Variants in SLC24A2 observed in about 807,000 individuals in gnomAD.
The protein encoded by SLC24A2 is solute carrier family 24 member 2.
Under a neutral mutation model 62.0 loss-of-function variants are expected in SLC24A2, and 36 were observed. That is an observed-to-expected ratio of 0.58 (90% CI 0.44 to 0.77). The LOEUF (loss-of-function observed/expected upper bound fraction) is 0.77. Among genes scored for constraint, SLC24A2 ranks in the 30% least tolerant of loss-of-function variants. SLC24A2 has a pLI of 0.00. For synonymous variants in SLC24A2, 358 were observed against 294.0 expected (o/e 1.22, Z -2.23); for missense variants, 846 against 817.9 (o/e 1.03, Z -0.42).
the SLC24A2 span, among the ~76,000 whole-genome samples, chr9:19,911,328 T>C: frequency 6.6e-6 from 1 of 152,128 alleles, no homozygotes; most frequent in Admixed American, 6.6e-5. Flanking sequence ...TGTTGGACAT[T>C]TGGGTTGGTT....
chr9:19,606,945 T>C (rs1467078162), intron 4 of SLC24A2, among the ~76,000 whole-genome samples: 6 of 152,122 alleles, frequency 3.9e-5, no homozygotes, highest in Non-Finnish European at 8.8e-5. Context: ...TACACATGAG[T>C]GTTGTGGCCA....
intron 2 of SLC24A2, among the ~76,000 whole-genome samples, chr9:19,644,412 G>A (rs1356744468): frequency 1.3e-5 from 2 of 152,156 alleles, no homozygotes; most frequent in African/African-American, 2.4e-5. Flanking sequence ...TACATAGATT[G>A]AATCATTATA....
chr9:20,097,505 C>G, the SLC24A2 span, among the ~76,000 whole-genome samples: 1 of 152,066 alleles, frequency 6.6e-6, no homozygotes, highest in Admixed American at 6.6e-5. Context: ...CTAATAGTCA[C>G]TTTGAGATCT....
At chr9:20,146,935 G>C in the SLC24A2 span, among the ~76,000 whole-genome samples, 1 of 152,052 alleles carries the variant, frequency 6.6e-6, no homozygotes, top group East Asian at 1.9e-4. Flanking sequence ...TACAACATCA[G>C]TACTGCCCTC....
chr9:19,527,551 T>C (rs74928287), intron 9 of SLC24A2, among the ~76,000 whole-genome samples: 193 of 152,214 alleles, frequency 1.3e-3, no homozygotes, highest in African/African-American at 4.5e-3. Context: ...TTACTGAGAG[T>C]GTATTCTTGT....
At chr9:19,535,855 A>G (rs1179179924) in intron 8 of SLC24A2, among the ~76,000 whole-genome samples, 2 of 152,182 alleles carry the variant, frequency 1.3e-5, no homozygotes, top group Admixed American at 6.5e-5. Flanking sequence ...TGAACTTTAA[A>G]GCAGTTTTTC....
the SLC24A2 span, among the ~76,000 whole-genome samples, chr9:19,978,850 G>A: frequency 6.6e-6 from 1 of 152,036 alleles, no homozygotes; most frequent in African/African-American, 2.4e-5. Context: ...AGGCAGAAAG[G>A]GGCAGATAAA....
At chr9:19,971,880 A>G in the SLC24A2 span, among the ~76,000 whole-genome samples, 1 of 152,184 alleles carries the variant, frequency 6.6e-6, no homozygotes, top group African/African-American at 2.4e-5. Context: ...TAACAACCCT[A>G]TAAGGCAGGC....
chr9:20,075,871 C>T, the SLC24A2 span, among the ~76,000 whole-genome samples: 3 of 152,166 alleles, frequency 2.0e-5, no homozygotes, highest in Non-Finnish European at 4.4e-5. Flanking sequence ...TCCAGGACCT[C>T]TCTCAAATAC....
At chr9:19,802,034 C>T in the SLC24A2 span, among the ~76,000 whole-genome samples, 1 of 152,078 alleles carries the variant, frequency 6.6e-6, no homozygotes, top group South Asian at 2.1e-4. Flanking sequence ...CACATTATGT[C>T]ATAGTAACAT....
the SLC24A2 span, among the ~76,000 whole-genome samples, chr9:20,170,826 T>C: frequency 1.3e-5 from 2 of 152,042 alleles, no homozygotes; most frequent in Non-Finnish European, 2.9e-5. Context: ...TGCCTGGCCT[T>C]GCTAGAGACC....
At chr9:19,542,890 A>C (rs1834346359) in intron 8 of SLC24A2, among the ~76,000 whole-genome samples, 1 of 152,148 alleles carries the variant, frequency 6.6e-6, no homozygotes, top group South Asian at 2.1e-4. Context: ...TACTGGCCTG[A>C]AATTTTCTTT....
At chr9:20,178,336 G>A in the SLC24A2 span, among the ~76,000 whole-genome samples, 4 of 152,140 alleles carry the variant, frequency 2.6e-5, no homozygotes, top group Non-Finnish European at 4.4e-5. Flanking sequence ...CTAGACTGCT[G>A]TCTGCCTCCC....
At chr9:19,573,780 G>A (rs1393628842) in intron 6 of SLC24A2, among the ~76,000 whole-genome samples, 1 of 152,058 alleles carries the variant, frequency 6.6e-6, no homozygotes, top group African/African-American at 2.4e-5. Flanking sequence ...TACCTTGGGT[G>A]CCCTATCAGC....
the SLC24A2 span, among the ~76,000 whole-genome samples, chr9:19,989,332 TAATA>T: frequency 3.3e-5 from 5 of 152,130 alleles, no homozygotes; most frequent in Middle Eastern, 3.2e-3. Flanking sequence ...AGGGAGGTGA[TAATA>T]CTACAATGAG....
At chr9:20,165,161 AT>A in the SLC24A2 span, among the ~76,000 whole-genome samples, 1 of 151,892 alleles carries the variant, frequency 6.6e-6, no homozygotes, top group Admixed American at 6.6e-5. Context: ...AGATATGAAA[AT>A]AACACGGAAA....
the SLC24A2 span, among the ~76,000 whole-genome samples, chr9:20,018,270 C>T: frequency 6.6e-6 from 1 of 152,174 alleles, no homozygotes; most frequent in Admixed American, 6.5e-5. Context: ...TAAATTCAAT[C>T]AAGTTGACAC....
At chr9:20,094,448 A>G in the SLC24A2 span, among the ~76,000 whole-genome samples, 1 of 152,206 alleles carries the variant, frequency 6.6e-6, no homozygotes, top group Admixed American at 6.5e-5. Flanking sequence ...TTAAGCTCCC[A>G]TGTGAAAAAC....
chr9:19,769,438 T>A (rs1390961600), intron 2 of SLC24A2, among the ~76,000 whole-genome samples: 2 of 152,242 alleles, frequency 1.3e-5, no homozygotes, highest in African/African-American at 2.4e-5. Flanking sequence ...ACACTTCCAC[T>A]GTCTCTAACA....
Sources: allele counts gnomAD v4.1 joint callset (sites outside exome capture counted in the v4.1 genomes callset), GRCh38; gene constraint gnomAD v4.1.1; transcripts MANE v1.5; gene names NCBI Gene and HGNC (gene_info 2026-07-23, HGNC 2026-07-21).